The following NCAM1 variants were observed in gnomAD, a reference collection of about 807,000 sequenced individuals.
The protein encoded by NCAM1 is neural cell adhesion molecule 1, also known as antigen recognized by monoclonal antibody 5.1H11.
Under a neutral mutation model 109.8 loss-of-function variants are expected in NCAM1, and 14 were observed. That is an observed-to-expected ratio of 0.13 (90% confidence interval 0.08 to 0.20). The LOEUF is 0.20. NCAM1 is among the 10% of genes least tolerant of loss of function. NCAM1 has a pLI of 1.00. For missense variants in NCAM1, 774 were observed against 1,109.9 expected (o/e 0.70, Z 4.30); for synonymous variants, 418 against 442.9 (o/e 0.94, Z 0.70).
chr11:113,089,232 G>A (rs1939229413), intron 1 of NCAM1, among the ~76,000 whole-genome samples: 1 of 152,122 alleles, frequency 6.6e-6, no homozygotes, highest in Non-Finnish European at 1.5e-5. Context: ...AGAATTGCTT[G>A]AACCCAGGAG....
At chr11:112,975,676 G>C (rs1950987922) in intron 1 of NCAM1, among the ~76,000 whole-genome samples, 1 of 152,008 alleles carries the variant, frequency 6.6e-6, no homozygotes, top group East Asian at 1.9e-4. Context: ...TTGAAGATAA[G>C]GGATTGAAAG....
intron 5 of NCAM1, 48 bp downstream of exon 5, chr11:113,206,228 T>A: frequency 6.5e-7 from 1 of 1,534,846 alleles, no homozygotes; most frequent in Admixed American, 2.1e-5. Context: ...ACAACCTTGG[T>A]TCTCCAAAAT....
At chr11:113,223,678 G>T (rs1944749148) in intron 9 of NCAM1, among the ~76,000 whole-genome samples, 1 of 152,176 alleles carries the variant, frequency 6.6e-6, no homozygotes, top group African/African-American at 2.4e-5. Context: ...AAGTTTGTGT[G>T]TGGTGGCCCC....
chr11:113,030,138 A>C (rs1952671448), intron 1 of NCAM1, among the ~76,000 whole-genome samples: 1 of 152,240 alleles, frequency 6.6e-6, no homozygotes, highest in Admixed American at 6.5e-5. Context: ...CGTTTCTGAC[A>C]CAGATATGAG....
chr11:112,990,420 T>C (rs536783955), intron 1 of NCAM1, among the ~76,000 whole-genome samples: 5 of 152,276 alleles, frequency 3.3e-5, no homozygotes, highest in African/African-American at 9.6e-5. Flanking sequence ...GTCTCAGTGC[T>C]GCTGGCATGA....
At chr11:113,199,831 A>G (rs868907745) in intron 1 of NCAM1, among the ~76,000 whole-genome samples, 12 of 119,872 alleles carry the variant, frequency 1.0e-4, no homozygotes, top group Non-Finnish European at 1.3e-4. Context: ...AACACCCTTA[A>G]AAAAAAAAAA....
intron 17 of NCAM1, among the ~76,000 whole-genome samples, chr11:113,268,334 CAG>C (rs1191821228): frequency 6.6e-5 from 10 of 152,214 alleles, no homozygotes; most frequent in African/African-American, 2.4e-4. Flanking sequence ...AGCCCAGAGA[CAG>C]GTGTCCAGAG....
At chr11:112,988,199 A>G (rs1424179098) in intron 1 of NCAM1, among the ~76,000 whole-genome samples, 1 of 152,066 alleles carries the variant, frequency 6.6e-6, no homozygotes, top group African/African-American at 2.4e-5. Context: ...GCCTTATTTT[A>G]CGTTTTTGTG....
chr11:113,130,252 T>A (rs1555098103), intron 1 of NCAM1, among the ~76,000 whole-genome samples: 1 of 152,250 alleles, frequency 6.6e-6, no homozygotes, highest in African/African-American at 2.4e-5. Flanking sequence ...TTAACTTTTT[T>A]AAAAATTAAT....
chr11:113,221,004 A>G (rs1169003220), intron 8 of NCAM1, among the ~76,000 whole-genome samples: 1 of 152,234 alleles, frequency 6.6e-6, no homozygotes, highest in Non-Finnish European at 1.5e-5. Context: ...ATTTTGGAAC[A>G]AGAGCAGTCT....
intron 1 of NCAM1, among the ~76,000 whole-genome samples, chr11:113,177,624 G>T (rs1309967113): frequency 1.3e-5 from 2 of 151,998 alleles, no homozygotes; most frequent in African/African-American, 4.8e-5. Flanking sequence ...GTAGAGATGG[G>T]GTTTCATCAT....
chr11:113,172,764 AT>A (rs1367841390), intron 1 of NCAM1, among the ~76,000 whole-genome samples: 1 of 151,134 alleles, frequency 6.6e-6, no homozygotes, highest in Non-Finnish European at 1.5e-5. Flanking sequence ...GTCTTTTTTT[AT>A]TTTTTTTCCT....
At chr11:113,003,279 T>A (rs1951805160) in intron 1 of NCAM1, among the ~76,000 whole-genome samples, 1 of 152,262 alleles carries the variant, frequency 6.6e-6, no homozygotes, top group Admixed American at 6.5e-5. Flanking sequence ...AGAGTACTGA[T>A]GGTCATATGT....
chr11:113,148,595 A>G (rs2136248669), intron 1 of NCAM1, among the ~76,000 whole-genome samples: 1 of 152,134 alleles, frequency 6.6e-6, no homozygotes, highest in Non-Finnish European at 1.5e-5. Flanking sequence ...ATTTTTGTTA[A>G]CGTTAGGTAA....
At chr11:113,021,552 G>A (rs1940733) in intron 1 of NCAM1, among the ~76,000 whole-genome samples, 68,575 of 151,950 alleles carry the variant, frequency 0.45, 16,352 homozygotes, top group East Asian at 0.8. Context: ...ATCAGCTTTG[G>A]TAATTCCTGT....
chr11:113,223,134 G>A (rs1555115619), intron 9 of NCAM1, among the ~76,000 whole-genome samples: 1 of 152,118 alleles, frequency 6.6e-6, no homozygotes, highest in African/African-American at 2.4e-5. Context: ...TTTCATACTT[G>A]CCCAGAGCTC....
At chr11:113,015,383 A>G (rs1438314753) in intron 1 of NCAM1, among the ~76,000 whole-genome samples, 1 of 152,226 alleles carries the variant, frequency 6.6e-6, no homozygotes, top group African/African-American at 2.4e-5. Context: ...GTTCAACCAA[A>G]TATTACAAAA....
chr11:113,032,518 C>T (rs372234329), intron 1 of NCAM1, among the ~76,000 whole-genome samples: 2 of 152,184 alleles, frequency 1.3e-5, no homozygotes, highest in African/African-American at 2.4e-5. Context: ...CATTGCTGTA[C>T]GTCTATCCAT....
At chr11:113,056,801 G>GACCCAC (rs1373945252) in intron 1 of NCAM1, among the ~76,000 whole-genome samples, 1 of 152,108 alleles carries the variant, frequency 6.6e-6, no homozygotes, top group East Asian at 1.9e-4. Flanking sequence ...TTGGATTACT[G>GACCCAC]ACCCACAGTA....
Sources: allele counts gnomAD v4.1 joint callset (sites outside exome capture counted in the v4.1 genomes callset), GRCh38; gene constraint gnomAD v4.1.1; transcripts MANE v1.5; gene names NCBI Gene and HGNC (gene_info 2026-07-23, HGNC 2026-07-21).